Variants in BICD1 observed in about 807,000 individuals in gnomAD.
BICD1 encodes the protein protein bicaudal D homolog 1.
A neutral mutation model predicts 92.5 loss-of-function variants in BICD1; 35 were observed. The observed-to-expected ratio is 0.38, with a 90% CI of 0.29 to 0.50. BICD1 has a LOEUF of 0.50. Among genes scored for constraint, BICD1 ranks in the 20% least tolerant of loss-of-function variants. BICD1 has a pLI of 0.93. For synonymous variants in BICD1, 429 were observed against 465.1 expected (o/e 0.92, Z 1.00); for missense variants, 950 against 1,189.8 (o/e 0.80, Z 2.97).
intron 9 of BICD1, among the ~76,000 whole-genome samples, chr12:32,376,840 C>T (rs149512818): frequency 0.023 from 3,248 of 141,176 alleles, 59 homozygotes; most frequent in Middle Eastern, 0.081. Context: ...TGCACACCAG[C>T]CTGGGCAAAA....
intron 1 of BICD1, among the ~76,000 whole-genome samples, chr12:32,194,170 A>G (rs1162262892): frequency 2.0e-5 from 3 of 152,204 alleles, no homozygotes; most frequent in African/African-American, 4.8e-5. Context: ...ATTAAAAACT[A>G]TTAACAAATC....
intron 2 of BICD1, among the ~76,000 whole-genome samples, chr12:32,221,629 C>T (rs761467554): frequency 8.6e-5 from 13 of 151,672 alleles, no homozygotes; most frequent in Non-Finnish European, 1.5e-5. Context: ...TGCAGTGAGC[C>T]AAGATTGCGC....
At chr12:32,319,953 G>C (rs899716490) in intron 4 of BICD1, among the ~76,000 whole-genome samples, 5 of 152,070 alleles carry the variant, frequency 3.3e-5, no homozygotes, top group African/African-American at 1.2e-4. Flanking sequence ...TTGTGTGTTA[G>C]TGTGCATGAA....
chr12:32,187,088 C>T (rs1310621998), intron 1 of BICD1, among the ~76,000 whole-genome samples: 1 of 152,218 alleles, frequency 6.6e-6, no homozygotes, highest in East Asian at 1.9e-4. Context: ...CAGGTCTTTT[C>T]TTTTTTCTGA....
chr12:32,361,045 G>T (rs1476538249), intron 8 of BICD1, among the ~76,000 whole-genome samples: 1 of 152,208 alleles, frequency 6.6e-6, no homozygotes, highest in Non-Finnish European at 1.5e-5. Flanking sequence ...ATAGCAGTGT[G>T]ATGTGGCTGC....
chr12:32,297,078 T>C (rs978757158), intron 3 of BICD1, among the ~76,000 whole-genome samples: 2 of 152,240 alleles, frequency 1.3e-5, no homozygotes, highest in South Asian at 2.1e-4. Flanking sequence ...TTCCCTGAAA[T>C]TGGGGGAACT....
rs1212910187 is a variant in BICD1 at position 32,375,214 on chromosome 12, C to T, written c.2841-2326C>T. Among the ~76,000 whole-genome samples, 4 of 151,848 alleles carry T rather than the reference C, an allele frequency of 2.6e-5. No homozygotes were observed. The East Asian group carries it at 5.9e-4, about 22-fold the overall frequency. On this transcript the variant is annotated intron_variant, in intron 9 of 9. Transcript: ENST00000652176. ...TGCTGGGATTACAGGCGTGCGCCAC[C>T]GCGCCCAGGCTTATTTTCCAATTTA...
intron 9 of BICD1, among the ~76,000 whole-genome samples, chr12:32,375,620 A>C (rs1939924518): frequency 1.3e-5 from 2 of 152,194 alleles, no homozygotes; most frequent in African/African-American, 2.4e-5. Flanking sequence ...TTTTAAAAAT[A>C]GGTAGGAAAA....
At chr12:32,351,671 G>A (rs764459818) in intron 8 of BICD1, among the ~76,000 whole-genome samples, 70 of 147,344 alleles carry the variant, frequency 4.8e-4, no homozygotes, top group Middle Eastern at 4.0e-3. Flanking sequence ...TTGGGAGGCC[G>A]AGGCAGGTGG....
chr12:32,177,393 T>TTTTCTAAATTATTATAC (rs1944125352), intron 1 of BICD1, among the ~76,000 whole-genome samples: 1 of 151,218 alleles, frequency 6.6e-6, no homozygotes, highest in Non-Finnish European at 1.5e-5. Flanking sequence ...CTGATAGGTA[T>TTTTCTAAATTATTATAC]AATTTTGAGT....
intron 9 of BICD1, among the ~76,000 whole-genome samples, 172 bp from the exon 10 acceptor site, chr12:32,377,368 T>C (rs1940013094): frequency 1.3e-5 from 2 of 152,234 alleles, no homozygotes; most frequent in Non-Finnish European, 1.5e-5. Context: ...TTTTTATGCC[T>C]TGTTTTGAAA....
chr12:32,167,183 G>C (rs1688958346), intron 1 of BICD1, among the ~76,000 whole-genome samples: 1 of 152,098 alleles, frequency 6.6e-6, no homozygotes, highest in Non-Finnish European at 1.5e-5. Flanking sequence ...AGATTATCTA[G>C]ATCATGAAAT....
At chr12:32,161,598 T>C (rs997197307) in intron 1 of BICD1, among the ~76,000 whole-genome samples, 1 of 152,188 alleles carries the variant, frequency 6.6e-6, no homozygotes, top group East Asian at 1.9e-4. Context: ...AATTGTGAAT[T>C]CTAGAAATGC....
At chr12:32,198,349 T>TATATATATATATATATATATAC (rs1944794686) in intron 1 of BICD1, among the ~76,000 whole-genome samples, 1 of 142,466 alleles carries the variant, frequency 7.0e-6, no homozygotes, top group Non-Finnish European at 1.5e-5. Flanking sequence ...TATATATATA[T>TATATATATATATATATATATAC]ATATTCCAAA....
intron 1 of BICD1, among the ~76,000 whole-genome samples, chr12:32,161,323 A>G (rs1264933989): frequency 6.6e-6 from 1 of 152,234 alleles, no homozygotes; most frequent in African/African-American, 2.4e-5. Flanking sequence ...AACCAGAGAC[A>G]CAGACTCCGT....
chr12:32,220,686 C>T (rs1394691191), intron 2 of BICD1, among the ~76,000 whole-genome samples: 8 of 148,868 alleles, frequency 5.4e-5, no homozygotes, highest in African/African-American at 1.7e-4. Flanking sequence ...GTCAGTGTGG[C>T]GATTCCTCAG....
At chr12:32,171,940 TACACACAC>T (rs61038844) in intron 1 of BICD1, among the ~76,000 whole-genome samples, 6,271 of 141,034 alleles carry the variant, frequency 0.044, 162 homozygotes, top group Middle Eastern at 0.092. Context: ...TCTCAAAAAA[TACACACAC>T]ACACACACAC....
intron 2 of BICD1, among the ~76,000 whole-genome samples, chr12:32,271,011 C>G (rs1947125199): frequency 6.6e-6 from 1 of 152,204 alleles, no homozygotes. Context: ...AACAGAGCAG[C>G]TCCAGGCTGT....
intron 1 of BICD1, among the ~76,000 whole-genome samples, chr12:32,135,386 CTTTTTTTTTTTTTTTT>C (rs71064999): frequency 6.7e-5 from 3 of 44,796 alleles, no homozygotes; most frequent in African/African-American, 2.1e-4. Context: ...CCATGCGTGG[CTTTTTTTTTTTTTTTT>C]TTTTTTTTTT....
Sources: allele counts gnomAD v4.1 joint callset (sites outside exome capture counted in the v4.1 genomes callset), GRCh38; gene constraint gnomAD v4.1.1; transcripts MANE v1.5; gene names NCBI Gene and HGNC (gene_info 2026-07-23, HGNC 2026-07-21).